PRSS55: variants seen among roughly 807,000 people sequenced by gnomAD.
PRSS55 encodes the protein probable serine protease UNQ9391/PRO34284.
Under a neutral mutation model 23.6 loss-of-function variants are expected in PRSS55, and 41 were observed. The observed-to-expected ratio is 1.74, with a 90% CI of 1.35 to 2.26. PRSS55 has a LOEUF of 2.26. Among genes scored for constraint, PRSS55 ranks in the 30% most tolerant of loss-of-function variants. The probability of loss-of-function intolerance (pLI) is 0.00; values close to 1 mark genes in which losing one functional copy is unlikely to be tolerated. For missense variants in PRSS55, 669 were observed against 439.1 expected (o/e 1.52, Z -4.68); for synonymous variants, 262 against 175.5 (o/e 1.49, Z -3.90).
chr8:10,537,278 C>T (rs919418661), intron 4 of PRSS55, among the ~76,000 whole-genome samples: 7 of 152,110 alleles, frequency 4.6e-5, no homozygotes, highest in South Asian at 2.1e-4. Flanking sequence ...GTATACACGA[C>T]GGAATATTAT....
intron 4 of PRSS55, among the ~76,000 whole-genome samples, chr8:10,536,787 T>A (rs555660694): frequency 2.0e-5 from 3 of 152,356 alleles, no homozygotes; most frequent in Admixed American, 1.3e-4. Context: ...TATCGCATGT[T>A]CTCACTTATA....
At chr8:10,541,413 C>T (rs1277022926), downstream of PRSS55, 1 of 152,222 alleles carries the variant, frequency 6.6e-6, no homozygotes, top group East Asian at 1.9e-4. Flanking sequence ...CTCAGCCGCC[C>T]ACCTTCAGAC....
At chr8:10,525,770 G>A (rs1344805256) in intron 1 of PRSS55, 31 bp downstream of exon 1, 1 of 1,556,942 alleles carries the variant, frequency 6.4e-7, no homozygotes, top group African/African-American at 1.4e-5. Flanking sequence ...GGCATGGATG[G>A]GGGCTCATGG....
intron 1 of PRSS55, among the ~76,000 whole-genome samples, chr8:10,526,893 C>G (rs7816318): frequency 0.014 from 2,075 of 152,252 alleles, 41 homozygotes; most frequent in African/African-American, 0.047. Flanking sequence ...GTAGCTTTCC[C>G]TAAATCGTTT....
At chr8:10,539,516 T>C (rs1353877645), downstream of PRSS55, among the ~76,000 whole-genome samples, 1 of 152,240 alleles carries the variant, frequency 6.6e-6, no homozygotes, top group Admixed American at 6.5e-5. Context: ...CCCACTGATA[T>C]GGTTTGGCTA....
intron 2 of PRSS55, among the ~76,000 whole-genome samples, chr8:10,529,962 G>T (rs559622266): frequency 1.3e-5 from 2 of 152,334 alleles, no homozygotes; most frequent in Admixed American, 6.5e-5. Context: ...AACACCTGTG[G>T]CTTGATGGAG....
chr8:10,525,775 T>G (rs767731377), intron 1 of PRSS55, 36 bp downstream of exon 1: 1 of 1,550,728 alleles, frequency 6.4e-7, no homozygotes, highest in East Asian at 2.4e-5. Flanking sequence ...GGATGGGGGC[T>G]CATGGTCCAG....
At chr8:10,542,146 A>G (rs998892284), downstream of PRSS55, among the ~76,000 whole-genome samples, 7 of 152,270 alleles carry the variant, frequency 4.6e-5, no homozygotes, top group African/African-American at 1.7e-4. Context: ...TATCCAGTCA[A>G]TTGTGATTAG....
At chr8:10,538,872 C>T, downstream of PRSS55, 1 of 1,392,478 alleles carries the variant, frequency 7.2e-7, no homozygotes, top group Non-Finnish European at 9.7e-7. Flanking sequence ...GTCTGCAGCT[C>T]AGGGCTCAAG....
chr8:10,530,503 T>C (rs1308395991), intron 2 of PRSS55, among the ~76,000 whole-genome samples: 1 of 152,130 alleles, frequency 6.6e-6, no homozygotes, highest in Non-Finnish European at 1.5e-5. Context: ...CTTTCCTCTA[T>C]TAACTCATTT....
chr8:10,531,107 GTTTT>G (rs1812241518), intron 2 of PRSS55, among the ~76,000 whole-genome samples, 184 bp from the exon 3 acceptor site: 1 of 12,446 alleles, frequency 8.0e-5, no homozygotes, highest in Non-Finnish European at 1.7e-4. Context: ...CAGCTATTCT[GTTTT>G]GTTTTGTTTT....
chr8:10,529,961 G>C (rs1297721121), intron 2 of PRSS55, among the ~76,000 whole-genome samples: 1 of 152,204 alleles, frequency 6.6e-6, no homozygotes, highest in Non-Finnish European at 1.5e-5. Flanking sequence ...GAACACCTGT[G>C]GCTTGATGGA....
intron 1 of PRSS55, 157 bp from the exon 2 acceptor site, chr8:10,529,350 A>G: frequency 1.4e-6 from 1 of 717,140 alleles, no homozygotes; most frequent in South Asian, 1.6e-5. Context: ...TGATGTCACA[A>G]GGGCTGCCCC....
At chr8:10,527,095 C>T (rs150209713) in intron 1 of PRSS55, among the ~76,000 whole-genome samples, 48 of 152,342 alleles carry the variant, frequency 3.2e-4, no homozygotes, top group African/African-American at 1.0e-3. Context: ...CCCACATTCT[C>T]AACGTAATAA....
chr8:10,537,248 T>C (rs147423903), intron 4 of PRSS55, among the ~76,000 whole-genome samples: 35 of 152,264 alleles, frequency 2.3e-4, no homozygotes, highest in South Asian at 6.2e-4. Flanking sequence ...AATGGATGAA[T>C]TGATAAAGAA....
At chr8:10,533,562 T>A (rs535546970) in intron 4 of PRSS55, among the ~76,000 whole-genome samples, 1 of 152,308 alleles carries the variant, frequency 6.6e-6, no homozygotes, top group East Asian at 1.9e-4. Flanking sequence ...TCTTTGCCTC[T>A]CTTTAATAAA....
At chr8:10,552,676 A>G (rs1235486996) in intron 4 of PRSS55, among the ~76,000 whole-genome samples, 10 of 152,234 alleles carry the variant, frequency 6.6e-5, no homozygotes. Flanking sequence ...ACTTCTCAAC[A>G]TCACTAATCA....
At chr8:10,536,159 C>T (rs905929052) in intron 4 of PRSS55, among the ~76,000 whole-genome samples, 3 of 152,108 alleles carry the variant, frequency 2.0e-5, no homozygotes, top group Non-Finnish European at 2.9e-5. Flanking sequence ...TGCACTCAAG[C>T]CTGGGTGACA....
intron 4 of PRSS55, among the ~76,000 whole-genome samples, chr8:10,534,323 T>C (rs4591994): frequency 0.75 from 113,897 of 152,030 alleles, 42,758 homozygotes; most frequent in African/African-American, 0.8. Context: ...TTCTTTATAG[T>C]GATGCAAGAA....
Sources: gnomAD v4.1 joint callset for allele counts (sites outside exome capture counted in the v4.1 genomes callset) on GRCh38, gnomAD v4.1.1 for gene constraint, MANE v1.5 for transcripts, NCBI Gene and HGNC (gene_info 2026-07-23, HGNC 2026-07-21) for gene names.